The following SPINT2 variants were observed in gnomAD, a reference collection of about 807,000 sequenced individuals.
The protein encoded by SPINT2 is serine peptidase inhibitor, Kunitz type 2, also known as kunitz-type protease inhibitor 2.
SPINT2 carries 18 observed loss-of-function variants against 30.1 expected under a neutral mutation model. That is an observed-to-expected ratio of 0.60 (90% confidence interval 0.41 to 0.89). The LOEUF (loss-of-function observed/expected upper bound fraction) is 0.89. Among genes scored for constraint, SPINT2 ranks in the 40% least tolerant of loss-of-function variants. The pLI is 0.00. For synonymous variants in SPINT2, 139 were observed against 137.9 expected (o/e 1.01, Z -0.05); for missense variants, 276 against 334.3 (o/e 0.83, Z 1.36).
chr19:38,265,747 TTTGAA>T (rs1481008762), intron 1 of SPINT2: 2 of 152,402 alleles, frequency 1.3e-5, no homozygotes, highest in Non-Finnish European at 2.9e-5. Flanking sequence ...ACCAGCGTGT[TTTGAA>T]AAGAGCTCTC....
At chr19:38,284,608 G>T (rs1968620456) in intron 2 of SPINT2, among the ~76,000 whole-genome samples, 1 of 152,194 alleles carries the variant, frequency 6.6e-6, no homozygotes, top group African/African-American at 2.4e-5. Context: ...GCTGGGGCCA[G>T]CGTGACCCAG....
intron 1 of SPINT2, among the ~76,000 whole-genome samples, chr19:38,280,344 A>C (rs1478551077): frequency 6.6e-6 from 1 of 152,174 alleles, no homozygotes; most frequent in African/African-American, 2.4e-5. Context: ...AACTAACTTT[A>C]TTCTGACTTC....
In SPINT2 at chr19:38,264,917, C is replaced by A. The variant is rs1968358917; in HGVS notation, c.25C>A (p.Arg9=). Residue 9 remains arginine (R), a synonymous_variant, in exon 1 of 7, where the codon CGG becomes AGG. Transcript: ENST00000301244. The part of the protein sequence containing the change: MAQLCGLR[R]SRAFLALLGS... ...CATGGCGCAGCTGTGCGGGCTGAGG[C>A]GGAGCCGGGCGTTTCTCGCCCTGCT... 1 of 1,535,496 alleles carries A rather than the reference C, an allele frequency of 6.5e-7. No homozygotes were observed.
At chr19:38,278,581 CG>C (rs1345613787) in intron 1 of SPINT2, among the ~76,000 whole-genome samples, 1 of 152,120 alleles carries the variant, frequency 6.6e-6, no homozygotes, top group Non-Finnish European at 1.5e-5. Flanking sequence ...CTTTCAGAGG[CG>C]GAGGCAGCAG....
chr19:38,272,926 T>G (rs964054439), intron 1 of SPINT2, among the ~76,000 whole-genome samples: 2 of 152,204 alleles, frequency 1.3e-5, no homozygotes, highest in Non-Finnish European at 2.9e-5. Context: ...TTCACCATGT[T>G]GGCCAGGCTG....
intron 4 of SPINT2, chr19:38,289,849 A>G (rs2146279536): frequency 1.9e-6 from 1 of 519,132 alleles, no homozygotes; most frequent in East Asian, 3.6e-5. Flanking sequence ...GGTCCCAGAT[A>G]GGTCTCATAG....
chr19:38,287,883 C>T lies in SPINT2; in HGVS notation c.285C>T (p.Ala95=). 1 of 1,614,182 alleles carries T rather than the reference C, an allele frequency of 6.2e-7. No individual in the cohort carries two copies. Among genetic ancestry groups the T allele is most frequent in the Admixed American group, 1.7e-5 (1 of 60,022 alleles). ...LKKCATVTEN[A]TGDLATSRNA... The stretch of plus-strand genomic sequence containing the variant: ...TTCTTTGTCCCCTTGCAGAGAATGC[C>T]ACGGGTGACCTGGCCACCAGCAGGA... The change falls in exon 3 of 7, where the codon GCC becomes GCT. Residue 95 remains alanine, a synonymous_variant. Coordinates refer to ENST00000301244, the MANE Select transcript of SPINT2 (RefSeq NM_021102.4).
Position 38,290,373 on chromosome 19 carries a change from G to C in SPINT2, c.553+93G>C. On this transcript the variant is annotated intron_variant, in intron 5 of 6. Coordinates refer to ENST00000301244, the MANE Select transcript of SPINT2 (RefSeq NM_021102.4). This position sits in a 1 kb window ranked among gnomAD's most constrained non-coding sequence, Gnocchi z 4.3. ...AAAATATGAAGGCCTTGGAAATGCT[G>C]TTCTTGGGCCCACCAGGGCAGCAAG... 6.3e-7 allele frequency: 1 copy of C among 1,578,980 alleles called. No homozygotes were observed. The highest frequency in any genetic ancestry group is 8.6e-7 in the Non-Finnish European group (1 of 1,162,818).
chr19:38,274,605 G>A (rs766358510), intron 1 of SPINT2, among the ~76,000 whole-genome samples: 37 of 152,068 alleles, frequency 2.4e-4, no homozygotes, highest in Admixed American at 2.0e-4. Context: ...ATCACTTGAG[G>A]TTAGGAGTTT....
Position 38,264,860 on chromosome 19 carries a change from T to TGGCGTCGCCTG in SPINT2, c.-32_-22dup, listed in dbSNP as rs1568336477. On this transcript the variant is annotated 5_prime_UTR_variant, in exon 1 of 7. Coordinates refer to ENST00000301244, the MANE Select transcript of SPINT2 (RefSeq NM_021102.4). Reference sequence around the variant, plus strand: ...CTGATCGCGAGACCCCAACGGCTGGTGGCGTCGCCTGCGCGTCTCGGCTGA... The same window carrying TGGCGTCGCCTG: ...CTGATCGCGAGACCCCAACGGCTGGTGGCGTCGCCTGGGCGTCGCCTGCGCGTCTCGGCTGA... The TGGCGTCGCCTG allele has an allele frequency of 6.5e-7, 1 of 1,529,070 alleles. No individual in the cohort carries two copies. Among genetic ancestry groups the TGGCGTCGCCTG allele is most frequent in the Non-Finnish European group, 8.8e-7 (1 of 1,142,796 alleles). 94.7% of individuals were successfully genotyped at this position (1,529,070 alleles called of 1,614,324 possible). A position where few individuals can be genotyped will look rare whatever the true frequency, so the allele number is the denominator to read the frequency against.
At chr19:38,289,776 A>G in intron 4 of SPINT2, 1 of 381,374 alleles carries the variant, frequency 2.6e-6, no homozygotes, top group South Asian at 2.3e-5. Context: ...ACCTCTCGCC[A>G]GCGGCTTGGC....
intron 1 of SPINT2, among the ~76,000 whole-genome samples, chr19:38,275,426 G>C (rs893449349): frequency 7.9e-5 from 12 of 151,886 alleles, no homozygotes; most frequent in Non-Finnish European, 1.6e-4. Context: ...CTGAGTTCAA[G>C]TGATTGTCCC....
intron 4 of SPINT2, 153 bp downstream of exon 4, chr19:38,289,344 CGT>C: frequency 3.1e-6 from 2 of 636,382 alleles, no homozygotes; most frequent in Middle Eastern, 8.6e-4. Flanking sequence ...ATTAGCTGGA[CGT>C]AGTGGCATGC....
At position 38,290,430 on chromosome 19, in the gene SPINT2, C is replaced by A; in HGVS notation, c.554-107C>A. On this transcript the variant is annotated intron_variant, in intron 5 of 6. Coordinates refer to ENST00000301244, the MANE Select transcript of SPINT2 (RefSeq NM_021102.4). The surrounding 1 kb of genome is among the most constrained non-coding windows in gnomAD (Gnocchi z 4.3). ...AAGCCCCAGAAAAGCTGGAAGAAAG[C>A]CCCTCAGAAAGAGCTCCCCATGGAG... 1 of 1,600,148 alleles carries A rather than the reference C, an allele frequency of 6.2e-7. No homozygotes were observed. Among genetic ancestry groups the A allele is most frequent in the South Asian group, 1.1e-5 (1 of 89,996 alleles).
At chr19:38,291,764 C>G in intron 6 of SPINT2, 76 bp from the exon 7 acceptor site, 1 of 1,555,776 alleles carries the variant, frequency 6.4e-7, no homozygotes, top group Non-Finnish European at 8.7e-7. Flanking sequence ...CTGGATTCCC[C>G]AGGCCCTTGG....
At chr19:38,284,806 A>G (rs147758942) in intron 2 of SPINT2, among the ~76,000 whole-genome samples, 193 of 152,172 alleles carry the variant, frequency 1.3e-3, no homozygotes, top group African/African-American at 4.6e-3. Flanking sequence ...GGAGTGCAGT[A>G]GAGCAATCTC....
Position 38,292,079 on chromosome 19 carries a change from A to G in SPINT2, c.*73A>G. ...GAGCTTTTTTTAAATAGAGGGATTG[A>G]CTCGGATTTGAGTGATCATTAGGGC... On this transcript the variant is annotated 3_prime_UTR_variant, in exon 7 of 7. Coordinates refer to ENST00000301244, the MANE Select transcript of SPINT2 (RefSeq NM_021102.4). 6.4e-7 allele frequency: 1 copy of G among 1,567,974 alleles called. No individual in the cohort carries two copies. The highest frequency in any genetic ancestry group is 8.7e-7 in the Non-Finnish European group (1 of 1,155,730).
chr19:38,269,430 G>T (rs2146265571), intron 1 of SPINT2, among the ~76,000 whole-genome samples: 1 of 115,658 alleles, frequency 8.6e-6, no homozygotes, highest in Middle Eastern at 6.0e-3. Flanking sequence ...TTTTGAGACA[G>T]AGTCTTGCTG....
chr19:38,288,076 G>A, intron 3 of SPINT2, 141 bp downstream of exon 3: 1 of 917,312 alleles, frequency 1.1e-6, no homozygotes, highest in Non-Finnish European at 1.8e-6. Context: ...GGCTCTGCCT[G>A]GGCTGCCGGC....
Sources: allele counts gnomAD v4.1 joint callset (sites outside exome capture counted in the v4.1 genomes callset), GRCh38; gene constraint gnomAD v4.1.1; non-coding constraint Gnocchi (gnomAD v3.1); transcripts MANE v1.5; gene names NCBI Gene and HGNC (gene_info 2026-07-23, HGNC 2026-07-21).